LAMA1: variants seen among roughly 807,000 people sequenced by gnomAD.
LAMA1 encodes laminin subunit alpha 1.
In LAMA1, 219 loss-of-function variants were observed where a neutral mutation model predicts 348.7. The observed-to-expected ratio is 0.63, with a 90% CI of 0.56 to 0.70. The LOEUF is 0.70. Ranked by LOEUF, LAMA1 falls within the 30% of genes least tolerant of loss-of-function variation. The pLI is 0.00. For synonymous variants in LAMA1, 1,487 were observed against 1,491.0 expected, an observed-to-expected ratio of 1.00 and a Z score of 0.06; for missense variants, 3,744 against 3,888.0, an observed-to-expected ratio of 0.96 and a Z score of 0.99.
intron 3 of LAMA1, among the ~76,000 whole-genome samples, chr18:7,078,594 G>A (rs2058180562): frequency 6.6e-6 from 1 of 152,300 alleles, no homozygotes; most frequent in Non-Finnish European, 1.5e-5. Context: ...CTTGGAAAAT[G>A]TCTCCTGAGC....
rs1354139747 is a variant in LAMA1 at position 6,942,315 on chromosome 18, A to T, written c.9068-76T>A. 9 of 1,496,932 alleles carry T rather than the reference A, an allele frequency of 6.0e-6. No individual in the cohort carries two copies. In the East Asian group the frequency reaches 1.8e-4, roughly 30 times the overall value. 92.7% of individuals were successfully genotyped at this position (1,496,932 alleles called of 1,614,324 possible). A position where few individuals can be genotyped will look rare whatever the true frequency, so the allele number is the denominator to read the frequency against. On this transcript the variant is annotated intron_variant, in intron 62 of 62. Coordinates refer to ENST00000389658, the MANE Select transcript of LAMA1 (RefSeq NM_005559.4). ...GATCCATAGCACAAAAGCAACAGAA[A>T]TAATCTCAAGCGGGTTTTTTTATTT...
intron 19 of LAMA1, among the ~76,000 whole-genome samples, chr18:7,019,674 CTTTTTT>C (rs35235323): frequency 3.2e-5 from 3 of 94,544 alleles, no homozygotes; most frequent in Middle Eastern, 8.8e-3. Flanking sequence ...TATGGTAATT[CTTTTTT>C]TTTTTTTTTT....
rs16951234 is a variant in LAMA1 at position 7,090,050 on chromosome 18, G to A, written c.62-9593C>T. On this transcript the variant is annotated intron_variant, in intron 1 of 62. Transcript: ENST00000389658. ...CTCCACTTCTGAGCCATCAGCAAGT[G>A]GCAATGGCACCCTACAATAAGTGCT... Among the ~76,000 whole-genome samples, 827 of 152,282 alleles carry A rather than the reference G, an allele frequency of 5.4e-3. 5 individuals carry two copies. Among genetic ancestry groups the A allele is most frequent in the African/African-American group, 0.019 (795 of 41,552 alleles).
chr18:6,961,127 CCT>C lies in LAMA1; in HGVS notation c.7626+457_7626+458del, dbSNP rs558289404. ...ATGGTCATCATTTCTCTCCTTTCCC[CCT>C]GTTAGTTTACTGTGCTTATCACAGC... On this transcript the variant is annotated intron_variant, in intron 53 of 62. Transcript: ENST00000389658. Among the ~76,000 whole-genome samples, 33 of 152,266 alleles carry C rather than the reference CCT, an allele frequency of 2.2e-4. 1 individual carries two copies. The South Asian group carries it at 5.0e-3, about 23-fold the overall frequency.
intron 3 of LAMA1, among the ~76,000 whole-genome samples, chr18:7,065,497 A>G (rs970708726): frequency 5.3e-5 from 8 of 152,144 alleles, no homozygotes; most frequent in African/African-American, 1.9e-4. Context: ...AGGTAGGTGA[A>G]TCACTTATCA....
At chr18:7,080,975 T>C (rs1400538877) in intron 1 of LAMA1, among the ~76,000 whole-genome samples, 1 of 152,184 alleles carries the variant, frequency 6.6e-6, no homozygotes, top group East Asian at 1.9e-4. Context: ...CTTCCAATGA[T>C]ATGCCATCTC....
intron 25 of LAMA1, among the ~76,000 whole-genome samples, chr18:7,010,925 A>G (rs1050455147): frequency 1.3e-5 from 2 of 152,224 alleles, no homozygotes; most frequent in African/African-American, 4.8e-5. Flanking sequence ...TATTTCAGTC[A>G]ATGACAAACC....
intron 3 of LAMA1, among the ~76,000 whole-genome samples, chr18:7,063,167 G>C (rs1366635442): frequency 1.3e-5 from 2 of 152,140 alleles, no homozygotes; most frequent in Non-Finnish European, 2.9e-5. Context: ...TTTAGCACTA[G>C]AGAGATGAGA....
At chr18:6,952,935 TC>T (rs2057554561) in intron 57 of LAMA1, among the ~76,000 whole-genome samples, 1 of 149,800 alleles carries the variant, frequency 6.7e-6, no homozygotes, top group African/African-American at 2.5e-5. Flanking sequence ...TCTGCCTGTG[TC>T]CAGTGGATCC....
Position 6,943,274 on chromosome 18 carries a change from CAG to C in LAMA1, c.8971_8972del (p.Leu2991AspfsTer3). On this transcript the variant is annotated frameshift_variant, in exon 62 of 63. Coordinates refer to ENST00000389658, the MANE Select transcript of LAMA1 (RefSeq NM_005559.4). LOFTEE classifies it high-confidence loss of function. ...CGCCAACTGCGTTCCCGTCAACAAT[CAG>C]AGTGATACGGTGTTTGCTTTTGTTA... Reference protein sequence around the residue: ...QANKSKHRITLIVDGNAVGAE... With the variant: ...QANKSKHRITXIVDGNAVGAE... The C allele has an allele frequency of 6.2e-7, 1 of 1,614,194 alleles. No individual in the cohort carries two copies. Among genetic ancestry groups the C allele is most frequent in the Non-Finnish European group, 8.5e-7 (1 of 1,180,044 alleles).
chr18:6,976,326 T>G (rs1372373025), intron 44 of LAMA1, among the ~76,000 whole-genome samples: 3 of 152,206 alleles, frequency 2.0e-5, no homozygotes, highest in African/African-American at 7.2e-5. Context: ...GAAACTGTCT[T>G]GCTCATATAA....
intron 52 of LAMA1, 38 bp from the exon 53 acceptor site, chr18:6,961,797 T>C (rs764542783): frequency 1.2e-6 from 2 of 1,611,244 alleles, no homozygotes; most frequent in South Asian, 1.1e-5. Flanking sequence ...GGTGAGTTCC[T>C]AGCTGCGGCC....
chr18:6,977,905 G>A, intron 43 of LAMA1, 24 bp from the exon 44 acceptor site: 1 of 1,607,932 alleles, frequency 6.2e-7, no homozygotes, highest in Non-Finnish European at 8.5e-7. Context: ...GAAGGCAAGG[G>A]GTGGCAAGAA....
chr18:7,038,822 C>G lies in LAMA1; in HGVS notation c.1551G>C (p.Trp517Cys), dbSNP rs1032920211. 9.3e-6 allele frequency: 15 copies of G among 1,614,180 alleles called. No individual in the cohort carries two copies. Among genetic ancestry groups the G allele is most frequent in the Non-Finnish European group, 1.2e-5 (14 of 1,180,034 alleles). The change falls in exon 11 of 63, where the codon TGG (tryptophan) becomes TGC (cysteine). Residue 517 changes from tryptophan (W) to cysteine (C), a missense_variant. By Grantham distance (215) the Trp-to-Cys change is radical. Transcript: ENST00000389658. ...GVSDVCSSLS[W>C]PVGQVNSMSG... is the part of the protein sequence containing the mutation. ...TGGCGCCTCCCACCTGACCAACAGG[C>G]CAAGAGAGGCTGCTGCAGACATCAG...
chr18:6,963,547 C>G (rs146324823), intron 51 of LAMA1, among the ~76,000 whole-genome samples: 2 of 152,300 alleles, frequency 1.3e-5, no homozygotes, highest in Non-Finnish European at 2.9e-5. Flanking sequence ...GTGGCTCTCT[C>G]TACAAAAGGC....
At chr18:7,089,428 T>C (rs1230767021) in intron 1 of LAMA1, among the ~76,000 whole-genome samples, 1 of 152,124 alleles carries the variant, frequency 6.6e-6, no homozygotes, top group East Asian at 1.9e-4. Flanking sequence ...TTCCACTTGG[T>C]GGTGAGGTGA....
chr18:7,080,304 T>C lies in LAMA1; in HGVS notation c.215A>G (p.Asn72Ser). Reference sequence around the variant, plus strand: ...ACACTTGCCTCTGGGGTTTGCGCTGTTGCCATCACAGATCCGGCACTGTGG... The same window carrying C: ...ACACTTGCCTCTGGGGTTTGCGCTGCTGCCATCACAGATCCGGCACTGTGG... ...RNPQCRICDG[N>S]SANPRERHPI... Residue 72 changes from asparagine to serine, a missense_variant, in exon 2 of 63, where the codon AAC becomes AGC. By Grantham distance (46) the Asn-to-Ser change is conservative. Coordinates refer to ENST00000389658, the MANE Select transcript of LAMA1 (RefSeq NM_005559.4). The C allele has an allele frequency of 6.2e-7, 1 of 1,614,262 alleles. No individual in the cohort carries two copies. Among genetic ancestry groups the C allele is most frequent in the South Asian group, 1.1e-5 (1 of 91,086 alleles).
chr18:6,982,715 C>T, intron 40 of LAMA1, 125 bp from the exon 41 acceptor site: 1 of 824,728 alleles, frequency 1.2e-6, no homozygotes, highest in African/African-American at 1.7e-5. Flanking sequence ...CAGCCAGGTA[C>T]CAGGTAGGGA....
intron 1 of LAMA1, among the ~76,000 whole-genome samples, chr18:7,098,690 C>T (rs1210796165): frequency 1.3e-5 from 2 of 148,502 alleles, no homozygotes; most frequent in South Asian, 2.1e-4. Flanking sequence ...CGTCTCCGCC[C>T]GGCAGCCACC....
Sources: gnomAD v4.1 joint callset for allele counts (sites outside exome capture counted in the v4.1 genomes callset) on GRCh38, gnomAD v4.1.1 for gene constraint, MANE v1.5 for transcripts, NCBI Gene and HGNC (gene_info 2026-07-23, HGNC 2026-07-21) for gene names.